Variants in HSPA4L observed in about 807,000 individuals in gnomAD.
HSPA4L encodes heat shock protein family A (Hsp70) member 4 like, also known as heat shock 70 kDa protein 4L.
HSPA4L carries 48 observed loss-of-function variants against 100.3 expected under a neutral mutation model. The observed-to-expected ratio is 0.48, with a 90% CI of 0.38 to 0.61. The LOEUF (loss-of-function observed/expected upper bound fraction) is 0.61, where lower values mean the gene tolerates loss of function less well. Among genes scored for constraint, HSPA4L ranks in the 20% least tolerant of loss-of-function variants. The pLI is 0.00. For missense variants in HSPA4L, 886 were observed against 988.6 expected (o/e 0.90, Z 1.39); for synonymous variants, 319 against 328.2 (o/e 0.97, Z 0.30).
rs201654252 is a variant in HSPA4L at position 127,832,874 on chromosome 4, A to G, written c.2520A>G (p.Ter840=). The G allele has an allele frequency of 2.5e-6, 4 of 1,591,292 alleles. No homozygotes were observed. Among genetic ancestry groups the G allele is most frequent in the South Asian group, 1.2e-5 (1 of 86,012 alleles). ...CCTCTGGAGAGATGGAAGTGGACTA[A>G]GTCTTAATTTTACCTTCACATTAAT... The part of the protein sequence containing the change: ...TKSSGEMEVD[*] Residue 840 remains the stop codon, a stop_retained_variant, in exon 19 of 19, where the codon TAA becomes TAG. Coordinates refer to ENST00000296464, the MANE Select transcript of HSPA4L (RefSeq NM_014278.4).
chr4:127,805,271 G>C (rs1733320058), intron 9 of HSPA4L, 47 bp downstream of exon 9: 2 of 1,472,762 alleles, frequency 1.4e-6, no homozygotes, highest in African/African-American at 2.8e-5. Flanking sequence ...TGCCAGAAAT[G>C]AGTGATAGAT....
At position 127,833,057 on chromosome 4, in the gene HSPA4L, A is replaced by T; in HGVS notation, c.*183A>T. 4.5e-6 allele frequency: 2 copies of T among 444,264 alleles called. No individual in the cohort carries two copies. Among genetic ancestry groups the T allele is most frequent in the Middle Eastern group, 5.7e-4 (1 of 1,760 alleles). 27.5% of individuals were successfully genotyped at this position (444,264 alleles called of 1,614,324 possible). A position where few individuals can be genotyped will look rare whatever the true frequency, so the allele number is the denominator to read the frequency against. On this transcript the variant is annotated 3_prime_UTR_variant, in exon 19 of 19. Coordinates refer to ENST00000296464, the MANE Select transcript of HSPA4L (RefSeq NM_014278.4). The stretch of plus-strand genomic sequence containing the variant: ...TCTGTTCATTTCCATTGCTGCTTAT[A>T]TGCAGTGTTAGCCGAATTAGATTTA...
chr4:127,801,310 C>G (rs1267043664), intron 5 of HSPA4L, 73 bp downstream of exon 5: 3 of 1,145,324 alleles, frequency 2.6e-6, no homozygotes, highest in Non-Finnish European at 3.7e-6. Flanking sequence ...ATTAACAAAG[C>G]ATTATTTTTT....
At chr4:127,801,317 T>A in intron 5 of HSPA4L, 80 bp downstream of exon 5, 8 of 1,012,676 alleles carry the variant, frequency 7.9e-6, no homozygotes, top group Non-Finnish European at 1.1e-5. Flanking sequence ...AAGCATTATT[T>A]TTTTTTAACT....
rs1393529147 is a variant in HSPA4L at position 127,835,197 on chromosome 4, A to AAAAC, written c.*2325_*2328dup. ...GAAATTATTTTAAAAGATGCATAGT[A>AAAAC]AAACAGTGTTTTCCTATGGTAAGCA... is the stretch of plus-strand genomic sequence containing the variant. On this transcript the variant is annotated 3_prime_UTR_variant, in exon 19 of 19. Transcript: ENST00000296464. 7 of 151,334 alleles carry AAAAC rather than the reference A, an allele frequency of 4.6e-5. No individual in the cohort carries two copies. Among genetic ancestry groups the AAAAC allele is most frequent in the African/African-American group, 1.4e-4 (6 of 41,450 alleles). The allele number at this position is 151,334 out of a possible 1,614,324, so 9.4% of individuals were successfully genotyped here.
At position 127,801,825 on chromosome 4, in the gene HSPA4L, A is replaced by C; in HGVS notation, c.570A>C (p.Pro190=). Residue 190 remains proline (P), a synonymous_variant, in exon 6 of 19, where the codon CCA becomes CCC. Transcript: ENST00000296464. ...GAATTTATAAACAGGATCTTCCCCCATTAGATGAGAAACCAAGAAATGTAG... is the reference window on the plus strand; with the variant it reads ...GAATTTATAAACAGGATCTTCCCCCCTTAGATGAGAAACCAAGAAATGTAG... ...AYGIYKQDLP[P]LDEKPRNVVF... is the part of the protein sequence containing the mutation. 1 of 1,611,498 alleles carries C rather than the reference A, an allele frequency of 6.2e-7. No individual in the cohort carries two copies. Among genetic ancestry groups the C allele is most frequent in the Non-Finnish European group, 8.5e-7 (1 of 1,178,318 alleles).
At chr4:127,813,507 G>T in intron 12 of HSPA4L, 1 of 222,520 alleles carries the variant, frequency 4.5e-6, no homozygotes, top group South Asian at 1.0e-4. Flanking sequence ...CATAATAATT[G>T]GTGAAAAGTT....
chr4:127,832,162 A>C (rs935987114), intron 18 of HSPA4L, among the ~76,000 whole-genome samples: 2 of 152,146 alleles, frequency 1.3e-5, no homozygotes, highest in African/African-American at 4.8e-5. Context: ...GCATTGTTTC[A>C]TTTAAATTAT....
At chr4:127,796,494 G>A (rs777667332) in intron 3 of HSPA4L, among the ~76,000 whole-genome samples, 1 of 151,880 alleles carries the variant, frequency 6.6e-6, no homozygotes, top group Non-Finnish European at 1.5e-5. Flanking sequence ...TGAAACATAC[G>A]TACACATAAA....
chr4:127,810,887 C>T (rs1397063296), intron 11 of HSPA4L, among the ~76,000 whole-genome samples: 3 of 152,034 alleles, frequency 2.0e-5, no homozygotes, highest in Admixed American at 6.6e-5. Flanking sequence ...AATGTTCTCT[C>T]TTCTATAGAT....
chr4:127,820,172 A>G (rs1560667588), intron 13 of HSPA4L, among the ~76,000 whole-genome samples: 4 of 152,006 alleles, frequency 2.6e-5, no homozygotes. Flanking sequence ...ATTATTTTAT[A>G]TTTTTTAATT....
intron 12 of HSPA4L, among the ~76,000 whole-genome samples, chr4:127,816,565 C>T (rs1733675250): frequency 6.6e-6 from 1 of 151,902 alleles, no homozygotes; most frequent in Non-Finnish European, 1.5e-5. Context: ...AAGGAGCATT[C>T]AAGGAAGGAA....
chr4:127,815,298 T>C (rs1158327944), intron 12 of HSPA4L, among the ~76,000 whole-genome samples: 1 of 152,158 alleles, frequency 6.6e-6, no homozygotes, highest in Non-Finnish European at 1.5e-5. Flanking sequence ...GTAGGTATAA[T>C]TTAATACAGG....
At chr4:127,785,462 A>T (rs906683890) in intron 1 of HSPA4L, among the ~76,000 whole-genome samples, 1 of 150,234 alleles carries the variant, frequency 6.7e-6, no homozygotes. Context: ...TTTAAGACGT[A>T]GTCTTGCTCT....
chr4:127,821,586 T>C (rs1733815448), intron 14 of HSPA4L, among the ~76,000 whole-genome samples: 1 of 152,134 alleles, frequency 6.6e-6, no homozygotes, highest in Non-Finnish European at 1.5e-5. Flanking sequence ...GAGAACTACA[T>C]TTCACAGGTG....
At chr4:127,800,536 G>A (rs2148783436) in intron 4 of HSPA4L, among the ~76,000 whole-genome samples, 1 of 152,132 alleles carries the variant, frequency 6.6e-6, no homozygotes, top group Middle Eastern at 3.4e-3. Context: ...TTTTTTCAAT[G>A]TTATTTGGTG....
At chr4:127,824,704 C>T (rs1244000082) in intron 16 of HSPA4L, among the ~76,000 whole-genome samples, 1 of 152,204 alleles carries the variant, frequency 6.6e-6, no homozygotes, top group African/African-American at 2.4e-5. Flanking sequence ...TTCAGTGTCA[C>T]TGCTCTTGAA....
intron 1 of HSPA4L, among the ~76,000 whole-genome samples, chr4:127,791,674 C>G (rs1279498095): frequency 6.6e-6 from 1 of 152,100 alleles, no homozygotes; most frequent in Non-Finnish European, 1.5e-5. Context: ...ACTTTTTGCT[C>G]TCCTCTCATC....
rs141679568 is a variant in HSPA4L, at chr4:127,791,908, A to G, written c.108-2169A>G. Among the ~76,000 whole-genome samples the G allele has an allele frequency of 3.8e-4, 58 of 152,342 alleles. 2 individuals carry two copies. The East Asian group carries it at 0.011, about 29-fold the overall frequency. On this transcript the variant is annotated intron_variant, in intron 1 of 18. Coordinates refer to ENST00000296464, the MANE Select transcript of HSPA4L (RefSeq NM_014278.4). ...TGAGTCTATAGCATTGTGAGATCCA[A>G]GAGAGCCAAAACCATGTTTTCTTTC...
Sources: gnomAD v4.1 joint callset for allele counts (sites outside exome capture counted in the v4.1 genomes callset) on GRCh38, gnomAD v4.1.1 for gene constraint, MANE v1.5 for transcripts, NCBI Gene and HGNC (gene_info 2026-07-23, HGNC 2026-07-21) for gene names.